ZBTB20: variants seen among roughly 807,000 people sequenced by gnomAD.
ZBTB20 encodes zinc finger and BTB domain-containing protein 20.
In ZBTB20, 9 loss-of-function variants were observed where a neutral mutation model predicts 56.9. The observed-to-expected ratio is 0.16, with a 90% CI of 0.10 to 0.28. ZBTB20 has a LOEUF of 0.28. ZBTB20 is among the 10% of genes least tolerant of loss of function. ZBTB20 has a pLI of 1.00. For synonymous variants in ZBTB20, 417 were observed against 420.7 expected, an observed-to-expected ratio of 0.99 and a Z score of 0.11; for missense variants, 655 against 1,003.0, an observed-to-expected ratio of 0.65 and a Z score of 4.69.
At chr3:114,815,536 A>G (rs951772791) in intron 4 of ZBTB20, among the ~76,000 whole-genome samples, 1 of 152,198 alleles carries the variant, frequency 6.6e-6, no homozygotes, top group Non-Finnish European at 1.5e-5. Flanking sequence ...ATTGTGCTTA[A>G]GCAACGGAAA....
chr3:114,360,458 C>T (rs1560133497), intron 10 of ZBTB20, among the ~76,000 whole-genome samples: 1 of 151,668 alleles, frequency 6.6e-6, no homozygotes, highest in Non-Finnish European at 1.5e-5. Context: ...GATTCTCCTG[C>T]CTCAGCCTCC....
intron 7 of ZBTB20, among the ~76,000 whole-genome samples, chr3:114,490,341 C>G (rs895737171): frequency 2.6e-5 from 4 of 151,992 alleles, no homozygotes; most frequent in Non-Finnish European, 5.9e-5. Flanking sequence ...CCTGCCTCAT[C>G]CTCCCGAGTA....
At chr3:114,418,241 T>C in intron 7 of ZBTB20, among the ~76,000 whole-genome samples, 1 of 152,052 alleles carries the variant, frequency 6.6e-6, no homozygotes, top group East Asian at 1.9e-4. Flanking sequence ...CTGATGCCCT[T>C]TGAATTTCAA....
At chr3:114,636,879 A>G (rs34359806) in intron 6 of ZBTB20, among the ~76,000 whole-genome samples, 3,420 of 150,344 alleles carry the variant, frequency 0.023, 67 homozygotes, top group Non-Finnish European at 0.036. Context: ...GAAGAGATTA[A>G]GAGGAAGACT....
At chr3:114,719,994 G>C (rs1240197487) in intron 5 of ZBTB20, among the ~76,000 whole-genome samples, 1 of 151,662 alleles carries the variant, frequency 6.6e-6, no homozygotes, top group African/African-American at 2.4e-5. Context: ...GCCAAATAAT[G>C]CAAGTTTCTC....
At chr3:114,721,311 G>A (rs955243698) in intron 5 of ZBTB20, among the ~76,000 whole-genome samples, 1 of 152,018 alleles carries the variant, frequency 6.6e-6, no homozygotes, top group African/African-American at 2.4e-5. Flanking sequence ...GAGCATAAAG[G>A]TAATGAGAGA....
intron 2 of ZBTB20, among the ~76,000 whole-genome samples, chr3:115,004,289 TAA>T (rs1032935406): frequency 2.0e-5 from 3 of 151,718 alleles, no homozygotes; most frequent in African/African-American, 7.2e-5. Context: ...AAGGTACCTA[TAA>T]AACCTGCACT....
rs2079389388 is a variant in ZBTB20 at position 114,334,685 on chromosome 3, A to G, written c.*4320T>C. Reference sequence around the variant, plus strand: ...AGTCTTTCTAAGGCCAAGAGCTACTATGATCTCTAAGATGACTAGGAATGA... The same window carrying G: ...AGTCTTTCTAAGGCCAAGAGCTACTGTGATCTCTAAGATGACTAGGAATGA... On this transcript the variant is annotated 3_prime_UTR_variant, in exon 12 of 12. Coordinates refer to ENST00000675478, the MANE Select transcript of ZBTB20 (RefSeq NM_001348800.3). 1 of 152,240 alleles carries G rather than the reference A, an allele frequency of 6.6e-6. No individual in the cohort carries two copies. 9.4% of individuals were successfully genotyped at this position (152,240 alleles called of 1,614,324 possible).
At chr3:114,979,647 T>C (rs1294352939) in intron 2 of ZBTB20, among the ~76,000 whole-genome samples, 1 of 152,058 alleles carries the variant, frequency 6.6e-6, no homozygotes, top group African/African-American at 2.4e-5. Context: ...GGTTTAATTG[T>C]ATTTTATTTT....
chr3:114,914,110 A>G (rs2075649323), intron 3 of ZBTB20, among the ~76,000 whole-genome samples: 1 of 152,006 alleles, frequency 6.6e-6, no homozygotes, highest in Non-Finnish European at 1.5e-5. Flanking sequence ...TATTTCTGTG[A>G]AGAATGTAAT....
chr3:114,860,662 A>C (rs1174056000), intron 4 of ZBTB20, among the ~76,000 whole-genome samples: 1 of 152,206 alleles, frequency 6.6e-6, no homozygotes, highest in East Asian at 1.9e-4. Context: ...GAAAGGTGAA[A>C]ATAAAGCACC....
At chr3:114,396,092 C>T (rs980700354) in intron 7 of ZBTB20, among the ~76,000 whole-genome samples, 13 of 152,182 alleles carry the variant, frequency 8.5e-5, no homozygotes, top group Admixed American at 3.9e-4. Context: ...ATTATGTCAC[C>T]GGATACTGGA....
At chr3:114,598,503 CAT>C (rs1185625447) in intron 6 of ZBTB20, among the ~76,000 whole-genome samples, 1 of 151,574 alleles carries the variant, frequency 6.6e-6, no homozygotes, top group East Asian at 1.9e-4. Flanking sequence ...CATATATACA[CAT>C]ATTTATGATA....
At chr3:114,388,983 A>G (rs1378008895) in intron 8 of ZBTB20, 22 bp downstream of exon 8, 1 of 152,148 alleles carries the variant, frequency 6.6e-6, no homozygotes, top group African/African-American at 2.4e-5. Flanking sequence ...GAAGCCTTTT[A>G]TTGGAGACAT....
At chr3:114,821,272 T>G (rs2073226954) in intron 4 of ZBTB20, among the ~76,000 whole-genome samples, 1 of 152,170 alleles carries the variant, frequency 6.6e-6, no homozygotes, top group African/African-American at 2.4e-5. Flanking sequence ...TCTGGTGTTG[T>G]TTGGCATGGG....
chr3:114,981,921 T>C (rs2078345827), intron 2 of ZBTB20, among the ~76,000 whole-genome samples: 1 of 152,050 alleles, frequency 6.6e-6, no homozygotes, highest in Non-Finnish European at 1.5e-5. Context: ...TTCACTACCA[T>C]GCAAGGAACT....
chr3:115,014,139 G>A (rs2079842166), intron 2 of ZBTB20, among the ~76,000 whole-genome samples: 1 of 151,594 alleles, frequency 6.6e-6, no homozygotes, highest in Admixed American at 6.6e-5. Context: ...AAATTATTAG[G>A]TTAAGTGAAA....
chr3:115,008,973 T>C (rs1258171385), intron 2 of ZBTB20, among the ~76,000 whole-genome samples: 1 of 151,930 alleles, frequency 6.6e-6, no homozygotes, highest in Non-Finnish European at 1.5e-5. Context: ...TTGTAAAACC[T>C]TGTCAATCTG....
chr3:114,783,791 C>CAA (rs5851935), intron 5 of ZBTB20, among the ~76,000 whole-genome samples: 18,553 of 130,752 alleles, frequency 0.14, 1,792 homozygotes, highest in African/African-American at 0.28. Context: ...GACTCTGCCT[C>CAA]AAAAAAAAAA....
Sources: allele counts gnomAD v4.1 joint callset (sites outside exome capture counted in the v4.1 genomes callset), GRCh38; gene constraint gnomAD v4.1.1; transcripts MANE v1.5; gene names NCBI Gene and HGNC (gene_info 2026-07-23, HGNC 2026-07-21).